Variants in CC2D2B observed in about 807,000 individuals in gnomAD.
The protein encoded by CC2D2B is protein CC2D2B.
Under a neutral mutation model 161.2 loss-of-function variants are expected in CC2D2B, and 128 were observed. That is an observed-to-expected ratio of 0.79 (90% CI 0.69 to 0.92). The LOEUF (loss-of-function observed/expected upper bound fraction) is 0.92. CC2D2B is among the 40% of genes least tolerant of loss of function. The pLI, the probability that CC2D2B is intolerant of heterozygous loss-of-function variation, is 0.00. For missense variants in CC2D2B, 1,173 were observed against 1,375.1 expected, an observed-to-expected ratio of 0.85 and a Z score of 2.32; for synonymous variants, 391 against 449.8, an observed-to-expected ratio of 0.87 and a Z score of 1.65.
At chr10:95,961,400 G>A (rs2076756021) in intron 11 of CC2D2B, among the ~76,000 whole-genome samples, 1 of 152,116 alleles carries the variant, frequency 6.6e-6, no homozygotes, top group African/African-American at 2.4e-5. Flanking sequence ...GGTGGCACAT[G>A]CCTATGGTCC....
intron 9 of CC2D2B, among the ~76,000 whole-genome samples, chr10:95,947,113 A>ATATATATTTTTT (rs1289243570): frequency 8.3e-5 from 4 of 48,386 alleles, no homozygotes; most frequent in African/African-American, 3.7e-4. Context: ...ATATATATAT[A>ATATATATTTTTT]TTTTTTTTTT....
Position 96,019,194 on chromosome 10 carries a change from C to G in CC2D2B, c.3631-9C>G. Reference sequence around the variant, plus strand: ...TCCACCAAAAATTACTTTCTTTTTTCTCATACAGGGGCATGTGGCTTATGT... The same window carrying G: ...TCCACCAAAAATTACTTTCTTTTTTGTCATACAGGGGCATGTGGCTTATGT... On this transcript the variant is annotated splice_polypyrimidine_tract_variant and intron_variant, in intron 30 of 34. Transcript: ENST00000646931. 1 of 1,561,256 alleles carries G rather than the reference C, an allele frequency of 6.4e-7. No individual in the cohort carries two copies. The highest frequency in any genetic ancestry group is 8.6e-7 in the Non-Finnish European group (1 of 1,159,844).
At chr10:95,945,777 C>CTTT (rs34209550) in intron 9 of CC2D2B, among the ~76,000 whole-genome samples, 44 of 81,122 alleles carry the variant, frequency 5.4e-4, no homozygotes, top group East Asian at 1.4e-3. Context: ...TAATGTTGGA[C>CTTT]TTTTTTTTTT....
Position 95,966,309 on chromosome 10 carries a change from A to G in CC2D2B, c.1466+7A>G. 1 of 968,090 alleles carries G rather than the reference A, an allele frequency of 1.0e-6. No individual in the cohort carries two copies. The highest frequency in any genetic ancestry group is 1.3e-6 in the Non-Finnish European group (1 of 747,432). 60.0% of individuals were successfully genotyped at this position (968,090 alleles called of 1,614,324 possible). On this transcript the variant is annotated splice_region_variant and intron_variant, in intron 14 of 34. Transcript: ENST00000646931. ...GCTTATCCAAGTGTTCCTTGTAAGC[A>G]TGTTTAAATAATTATTTATTTATTA...
chr10:95,927,790 T>C (rs1377729165), intron 6 of CC2D2B, among the ~76,000 whole-genome samples: 1 of 151,886 alleles, frequency 6.6e-6, no homozygotes, highest in Non-Finnish European at 1.5e-5. Context: ...CTCCTCATTC[T>C]TCATTCCTCC....
At chr10:95,928,738 C>T (rs1156934225) in intron 6 of CC2D2B, among the ~76,000 whole-genome samples, 1 of 97,218 alleles carries the variant, frequency 1.0e-5, no homozygotes, top group Admixed American at 1.2e-4. Context: ...GACATGAACT[C>T]ATCCTTTTTT....
Position 96,019,347 on chromosome 10 carries a change from TG to T in CC2D2B, c.3765+14del, listed in dbSNP as rs1564677258. 1 of 1,600,166 alleles carries T rather than the reference TG, an allele frequency of 6.2e-7. No homozygotes were observed. Among genetic ancestry groups the T allele is most frequent in the Non-Finnish European group, 8.5e-7 (1 of 1,175,944 alleles). On this transcript the variant is annotated intron_variant, in intron 31 of 34. Coordinates refer to ENST00000646931, the MANE Select transcript of CC2D2B (RefSeq NM_001349008.3). ...GTTTGATGATAGAAATGTAAGTATA[TG>T]GGGAAAAAAAATCTTGAGTTATCTC...
chr10:95,994,744 G>T (rs1008744075), intron 22 of CC2D2B, among the ~76,000 whole-genome samples: 7 of 152,042 alleles, frequency 4.6e-5, no homozygotes, highest in Non-Finnish European at 8.8e-5. Flanking sequence ...CCCTATACCC[G>T]CCGGTCATTC....
At chr10:95,982,511 C>G (rs1437553134) in intron 18 of CC2D2B, among the ~76,000 whole-genome samples, 1 of 152,186 alleles carries the variant, frequency 6.6e-6, no homozygotes, top group Non-Finnish European at 1.5e-5. Context: ...TTCTTTATAG[C>G]CAACTGAACT....
chr10:95,924,277 G>A (rs2098534072), intron 3 of CC2D2B, 37 bp from the exon 4 acceptor site: 2 of 1,063,372 alleles, frequency 1.9e-6, no homozygotes, highest in African/African-American at 1.7e-5. Context: ...TTATAATAAA[G>A]TGTCATAAAC....
intron 32 of CC2D2B, 26 bp from the exon 33 acceptor site, chr10:96,024,827 A>C: frequency 7.5e-7 from 1 of 1,341,294 alleles, no homozygotes; most frequent in Non-Finnish European, 1.0e-6. Context: ...TCTAGAATCT[A>C]TTCTAACTTT....
Position 95,927,225 on chromosome 10 carries a change from G to A in CC2D2B, c.241-12G>A. On this transcript the variant is annotated splice_polypyrimidine_tract_variant and intron_variant, in intron 5 of 34. Coordinates refer to ENST00000646931, the MANE Select transcript of CC2D2B (RefSeq NM_001349008.3). The stretch of plus-strand genomic sequence containing the variant: ...AGTGTTTATTTCAACACTAAATACT[G>A]GTTTATCATAGTTGTCTCCACAGAC... The A allele has an allele frequency of 1.4e-6, 2 of 1,457,542 alleles. No homozygotes were observed. The highest frequency in any genetic ancestry group is 2.0e-5 in the Admixed American group (1 of 49,862). The allele number at this position is 1,457,542 out of a possible 1,614,324, so 90.3% of individuals were successfully genotyped here.
At chr10:95,981,621 A>G (rs1319533585) in intron 17 of CC2D2B, among the ~76,000 whole-genome samples, 1 of 152,180 alleles carries the variant, frequency 6.6e-6, no homozygotes, top group African/African-American at 2.4e-5. Context: ...TTAATAAGTT[A>G]CTATGCTTAG....
chr10:95,935,029 C>T (rs2075767541), intron 6 of CC2D2B, among the ~76,000 whole-genome samples: 1 of 152,110 alleles, frequency 6.6e-6, no homozygotes, highest in African/African-American at 2.4e-5. Flanking sequence ...TGCCACTACA[C>T]CTGGCTAATT....
chr10:95,924,809 C>G lies in CC2D2B; in HGVS notation c.205C>G (p.Gln69Glu). The change falls in exon 5 of 35, where the codon CAG becomes GAG. Residue 69 changes from glutamine (Q) to glutamate (E), a missense_variant. By Grantham distance (29) the Gln-to-Glu change is conservative. Around this residue, in one of 3 missense-constraint regions of CC2D2B, gnomAD observed 298 missense variants for 261.2 expected, o/e 1.14. Transcript: ENST00000646931. Reference protein sequence around the residue: ...INKGEKSSTEQLIDSEIHQRS... With the variant: ...INKGEKSSTEELIDSEIHQRS... ...TAAAGGTGAAAAATCTTCAACTGAG[C>G]AGCTCATTGATAGCGAAATACATCA... The G allele has an allele frequency of 6.5e-7, 1 of 1,546,916 alleles. No individual in the cohort carries two copies. The highest frequency in any genetic ancestry group is 1.2e-5 in the South Asian group (1 of 83,868).
chr10:95,947,114 T>TATATA (rs1491386108), intron 9 of CC2D2B, among the ~76,000 whole-genome samples: 679 of 23,396 alleles, frequency 0.029, 13 homozygotes, highest in Middle Eastern at 0.067. Flanking sequence ...TATATATATA[T>TATATA]TTTTTTTTTT....
chr10:95,926,815 A>AGTGTGTGTGTGTGTGTGT (rs71486778), intron 5 of CC2D2B, among the ~76,000 whole-genome samples: 1,804 of 134,824 alleles, frequency 0.013, 33 homozygotes, highest in Admixed American at 0.021. Context: ...CTGAGGTGGC[A>AGTGTGTGTGTGTGTGTGT]GTGTGTGTGT....
intron 11 of CC2D2B, among the ~76,000 whole-genome samples, chr10:95,960,662 A>G (rs1197010388): frequency 6.6e-6 from 1 of 152,018 alleles, no homozygotes; most frequent in African/African-American, 2.4e-5. Flanking sequence ...ACAAGTGTGC[A>G]CCATCATGCT....
intron 32 of CC2D2B, chr10:96,021,632 C>G (rs936043672): frequency 6.6e-6 from 1 of 152,256 alleles, no homozygotes; most frequent in African/African-American, 2.4e-5. Context: ...ATGACACATA[C>G]AGTACAAAAC....
Sources: allele counts gnomAD v4.1 joint callset (sites outside exome capture counted in the v4.1 genomes callset), GRCh38; gene constraint gnomAD v4.1.1; regional missense constraint gnomAD v4.1.1; transcripts MANE v1.5; gene names NCBI Gene and HGNC (gene_info 2026-07-23, HGNC 2026-07-21).